ZRANB3: variants seen among roughly 807,000 people sequenced by gnomAD.
The protein encoded by ZRANB3 is DNA annealing helicase and endonuclease ZRANB3.
In ZRANB3, 125 loss-of-function variants were observed where a neutral mutation model predicts 133.8. That is an observed-to-expected ratio of 0.93 (90% CI 0.81 to 1.08). The LOEUF (loss-of-function observed/expected upper bound fraction) is 1.08, where lower values mean the gene tolerates loss of function less well. Among genes scored for constraint, ZRANB3 ranks in the 50% least tolerant of loss-of-function variants. ZRANB3 has a pLI of 0.00. For missense variants in ZRANB3, 1,229 were observed against 1,275.5 expected, an observed-to-expected ratio of 0.96 and a Z score of 0.56; for synonymous variants, 387 against 432.7, an observed-to-expected ratio of 0.89 and a Z score of 1.31.
chr2:135,355,366 T>G (rs1685383592), intron 3 of ZRANB3: 4 of 739,484 alleles, frequency 5.4e-6, no homozygotes, highest in Non-Finnish European at 6.6e-6. Flanking sequence ...AGATCTTTTT[T>G]TTTTTTTTTT....
intron 2 of ZRANB3, among the ~76,000 whole-genome samples, chr2:135,398,584 T>A (rs566520861): frequency 4.0e-5 from 6 of 148,488 alleles, no homozygotes; most frequent in Non-Finnish European, 1.5e-5. Context: ...AGTGGCGCTA[T>A]CTCGGCTCAC....
intron 8 of ZRANB3, among the ~76,000 whole-genome samples, chr2:135,309,685 A>T (rs1011489623): frequency 1.1e-4 from 16 of 152,208 alleles, no homozygotes; most frequent in African/African-American, 2.9e-4. Context: ...AAAATGTATT[A>T]AAAAAACTAG....
intron 5 of ZRANB3, among the ~76,000 whole-genome samples, chr2:135,347,529 G>A (rs563281619): frequency 2.0e-5 from 3 of 152,210 alleles, no homozygotes; most frequent in East Asian, 1.9e-4. Flanking sequence ...TGATCTGCCC[G>A]CCTCAGCCTC....
intron 18 of ZRANB3, 137 bp from the exon 19 acceptor site, chr2:135,207,973 C>G: frequency 2.4e-6 from 2 of 845,504 alleles, no homozygotes; most frequent in Middle Eastern, 3.5e-4. Flanking sequence ...AAAATAGTTA[C>G]AGTCAGCACT....
At chr2:135,308,798 T>C (rs1682827318) in intron 8 of ZRANB3, among the ~76,000 whole-genome samples, 2 of 151,878 alleles carry the variant, frequency 1.3e-5, no homozygotes, top group South Asian at 4.2e-4. Flanking sequence ...CCTTCACTTA[T>C]AGTAGTGCTA....
At chr2:135,398,550 G>C (rs1272059653) in intron 2 of ZRANB3, among the ~76,000 whole-genome samples, 1 of 129,620 alleles carries the variant, frequency 7.7e-6, no homozygotes, top group Non-Finnish European at 1.6e-5. Flanking sequence ...ATGGAGTCTT[G>C]CTCTGTCGCC....
rs540410036 is a variant in ZRANB3, at chr2:135,517,743, G to A, written c.-7-13247C>T. Among the ~76,000 whole-genome samples, 133 of 152,306 alleles carry A rather than the reference G, an allele frequency of 8.7e-4. 1 individual carries two copies. The highest frequency in any genetic ancestry group is 6.8e-3 in the Middle Eastern group (2 of 294). On this transcript the variant is annotated intron_variant, in intron 1 of 20. Transcript: ENST00000264159. ...CCAGTCAGGGGGCATGGGGGTCAGG[G>A]ACCCACTTGAGGAGACAGTCTGTCC...
chr2:135,353,246 A>G, intron 4 of ZRANB3: 1 of 304,490 alleles, frequency 3.3e-6, no homozygotes, highest in Non-Finnish European at 5.9e-6. Context: ...TTAAAAATAT[A>G]CCATAAAGGA....
At chr2:135,284,494 C>T (rs59882895) in intron 8 of ZRANB3, among the ~76,000 whole-genome samples, 15,871 of 152,206 alleles carry the variant, frequency 0.1, 1,086 homozygotes, top group South Asian at 0.32. Flanking sequence ...GCTTTTGAGA[C>T]GGAGTCTCGC....
intron 12 of ZRANB3, among the ~76,000 whole-genome samples, chr2:135,232,153 C>A (rs986528605): frequency 8.5e-5 from 13 of 152,222 alleles, no homozygotes; most frequent in South Asian, 2.1e-4. Context: ...TATCCCGCGC[C>A]TGGCTCAGAG....
chr2:135,432,813 C>G (rs2104983593), intron 2 of ZRANB3, among the ~76,000 whole-genome samples: 1 of 152,314 alleles, frequency 6.6e-6, no homozygotes, highest in South Asian at 2.1e-4. Flanking sequence ...GAAGGGCTGT[C>G]TTAAATAGGA....
intron 3 of ZRANB3, among the ~76,000 whole-genome samples, chr2:135,381,817 G>T (rs1686713173): frequency 6.6e-6 from 1 of 152,070 alleles, no homozygotes; most frequent in Non-Finnish European, 1.5e-5. Context: ...AAACAGAAAG[G>T]ACATCCACAC....
Position 135,312,161 on chromosome 2 carries a change from T to A in ZRANB3, c.966+1328A>T, listed in dbSNP as rs200573925. The stretch of plus-strand genomic sequence containing the variant: ...ATTTTATTTTATTTTATTTTATTTT[T>A]ATTTTATTTTATTTTATTTTATTTT... On this transcript the variant is annotated intron_variant, in intron 8 of 20. Coordinates refer to ENST00000264159, the MANE Select transcript of ZRANB3 (RefSeq NM_032143.4). 2.9e-4 allele frequency among the ~76,000 whole-genome samples: 37 copies of A among 126,990 alleles called. 1 individual carries two copies. Among genetic ancestry groups the A allele is most frequent in the African/African-American group, 7.7e-4 (18 of 23,338 alleles). 83.3% of individuals were successfully genotyped at this position (126,990 alleles called of 152,430 possible).
intron 3 of ZRANB3, among the ~76,000 whole-genome samples, chr2:135,385,682 C>T (rs760585941): frequency 6.6e-6 from 1 of 152,140 alleles, no homozygotes; most frequent in Non-Finnish European, 1.5e-5. Flanking sequence ...AGAAATAACA[C>T]CACACATCTG....
rs990133424 is a variant in ZRANB3 at position 135,477,268 on chromosome 2, C to T, written c.161+27061G>A. ...CCCAAAATAGAACTTCAAAGGCAAG[C>T]GATGATTAGAGGGGAAAACAGTCAT... On this transcript the variant is annotated intron_variant, in intron 2 of 20. Coordinates refer to ENST00000264159, the MANE Select transcript of ZRANB3 (RefSeq NM_032143.4). 4.6e-5 allele frequency among the ~76,000 whole-genome samples: 7 copies of T among 152,214 alleles called. No homozygotes were observed. In the East Asian group the frequency reaches 5.8e-4, roughly 13 times the overall value.
intron 5 of ZRANB3, among the ~76,000 whole-genome samples, chr2:135,349,705 A>G (rs1378847977): frequency 6.6e-6 from 1 of 152,168 alleles, no homozygotes; most frequent in Non-Finnish European, 1.5e-5. Flanking sequence ...TCAGGAACAC[A>G]TTATGAAGAA....
intron 12 of ZRANB3, among the ~76,000 whole-genome samples, chr2:135,258,483 C>CTGA (rs1679774325): frequency 6.6e-6 from 1 of 152,140 alleles, no homozygotes; most frequent in African/African-American, 2.4e-5. Context: ...CTCACCTTTG[C>CTGA]TGAGAGTCCC....
intron 1 of ZRANB3, among the ~76,000 whole-genome samples, chr2:135,529,717 G>T (rs951816684): frequency 6.6e-6 from 1 of 151,586 alleles, no homozygotes; most frequent in Non-Finnish European, 1.5e-5. Flanking sequence ...ATTTCACCAT[G>T]TTGCCCAGGC....
chr2:135,508,049 C>T (rs1345672244), intron 1 of ZRANB3, among the ~76,000 whole-genome samples: 1 of 152,076 alleles, frequency 6.6e-6, no homozygotes, highest in Non-Finnish European at 1.5e-5. Context: ...ATAGACACTC[C>T]AAAAAAATCT....
Sources: gnomAD v4.1 joint callset for allele counts (sites outside exome capture counted in the v4.1 genomes callset) on GRCh38, gnomAD v4.1.1 for gene constraint, MANE v1.5 for transcripts, NCBI Gene and HGNC (gene_info 2026-07-23, HGNC 2026-07-21) for gene names.